Variants in RIMS2 observed in about 807,000 individuals in gnomAD.
The protein encoded by RIMS2 is regulating synaptic membrane exocytosis 2, also known as regulating synaptic membrane exocytosis protein 2.
A neutral mutation model predicts 174.4 loss-of-function variants in RIMS2; 59 were observed. The ratio of observed to expected loss-of-function variants is 0.34; its 90% CI spans 0.27 to 0.42. RIMS2 has a LOEUF of 0.42. Among genes scored for constraint, RIMS2 ranks in the 10% least tolerant of loss-of-function variants. RIMS2 has a pLI of 1.00. For synonymous variants in RIMS2, 606 were observed against 572.5 expected, an observed-to-expected ratio of 1.06 and a Z score of -0.84; for missense variants, 1,620 against 1,666.3, an observed-to-expected ratio of 0.97 and a Z score of 0.48.
chr8:103,837,792 T>C (rs1241589896), intron 3 of RIMS2, among the ~76,000 whole-genome samples: 1 of 152,182 alleles, frequency 6.6e-6, no homozygotes, highest in East Asian at 1.9e-4. Context: ...TCCAAGTCTT[T>C]GCTATTGTGA....
intron 14 of RIMS2, among the ~76,000 whole-genome samples, chr8:103,959,069 A>T (rs1232942105): frequency 2.0e-5 from 3 of 152,204 alleles, no homozygotes; most frequent in Non-Finnish European, 4.4e-5. Context: ...CTACAGAAGC[A>T]ACTGCAACTG....
intron 3 of RIMS2, among the ~76,000 whole-genome samples, chr8:103,812,435 C>A (rs959492360): frequency 6.7e-5 from 10 of 150,142 alleles, no homozygotes; most frequent in African/African-American, 2.4e-4. Context: ...CTGTGCAATC[C>A]CCGCACACTG....
At chr8:103,641,233 T>C (rs566325053) in intron 1 of RIMS2, among the ~76,000 whole-genome samples, 1 of 152,272 alleles carries the variant, frequency 6.6e-6, no homozygotes, top group South Asian at 2.1e-4. Flanking sequence ...GTTATTTATT[T>C]ATTCAATTTC....
chr8:103,544,290 A>G (rs2131350513), intron 1 of RIMS2, among the ~76,000 whole-genome samples: 1 of 152,302 alleles, frequency 6.6e-6, no homozygotes, highest in Admixed American at 6.5e-5. Flanking sequence ...AACGCCTGCT[A>G]CAGCTTCTGG....
intron 19 of RIMS2, among the ~76,000 whole-genome samples, chr8:104,211,835 C>T (rs528391027): frequency 1.3e-5 from 2 of 152,122 alleles, no homozygotes; most frequent in East Asian, 1.9e-4. Flanking sequence ...TAAAGATAGT[C>T]CTAGCTGCTT....
chr8:103,574,936 G>T (rs918908149), intron 1 of RIMS2, among the ~76,000 whole-genome samples: 1 of 152,166 alleles, frequency 6.6e-6, no homozygotes, highest in Non-Finnish European at 1.5e-5. Flanking sequence ...ATGAATGCCT[G>T]TGATAGCAAT....
chr8:104,243,785 C>A (rs2099315695), intron 19 of RIMS2, among the ~76,000 whole-genome samples: 1 of 152,178 alleles, frequency 6.6e-6, no homozygotes, highest in South Asian at 2.1e-4. Flanking sequence ...AATAGTTAAG[C>A]CCGACAAGAA....
intron 16 of RIMS2, among the ~76,000 whole-genome samples, chr8:103,983,763 A>C (rs190378886): frequency 6.6e-6 from 1 of 152,174 alleles, no homozygotes; most frequent in Non-Finnish European, 1.5e-5. Context: ...CGGATTAAAG[A>C]CCTAAATCTA....
At chr8:104,177,575 A>G (rs998594174) in intron 19 of RIMS2, among the ~76,000 whole-genome samples, 1 of 152,190 alleles carries the variant, frequency 6.6e-6, no homozygotes, top group African/African-American at 2.4e-5. Flanking sequence ...CTTAAATGTG[A>G]TCTCTTCAAA....
intron 2 of RIMS2, among the ~76,000 whole-genome samples, chr8:103,726,269 G>A (rs2097526625): frequency 6.6e-6 from 1 of 152,184 alleles, no homozygotes; most frequent in African/African-American, 2.4e-5. Context: ...TTTATAGGAT[G>A]TATCCCCATT....
At chr8:103,513,653 A>T (rs374054425) in intron 1 of RIMS2, among the ~76,000 whole-genome samples, 5 of 152,070 alleles carry the variant, frequency 3.3e-5, no homozygotes, top group African/African-American at 4.8e-5. Flanking sequence ...TGGATTTGGG[A>T]ATTGTGGTTA....
At chr8:103,656,873 T>G (rs983907028) in intron 1 of RIMS2, among the ~76,000 whole-genome samples, 5 of 152,150 alleles carry the variant, frequency 3.3e-5, no homozygotes, top group African/African-American at 1.2e-4. Flanking sequence ...GGTCCTAGCC[T>G]TAGGGAAGCC....
chr8:103,875,999 A>G (rs1220477174), intron 3 of RIMS2, among the ~76,000 whole-genome samples: 2 of 151,912 alleles, frequency 1.3e-5, no homozygotes, highest in African/African-American at 4.8e-5. Flanking sequence ...TGTACAATCT[A>G]GATATTCATC....
intron 15 of RIMS2, among the ~76,000 whole-genome samples, chr8:103,969,094 A>G (rs1376465368): frequency 6.6e-6 from 1 of 151,906 alleles, no homozygotes; most frequent in Admixed American, 6.6e-5. Context: ...TCTTTGTTCT[A>G]TAGAGGAGGA....
At chr8:104,093,281 A>C (rs1363640934) in intron 19 of RIMS2, among the ~76,000 whole-genome samples, 190 bp from the exon 24 acceptor site, 1 of 152,082 alleles carries the variant, frequency 6.6e-6, no homozygotes, top group Non-Finnish European at 1.5e-5. Context: ...CTTTGCTAAA[A>C]ACAAAGGTTT....
chr8:104,039,874 A>C (rs2096580137), intron 19 of RIMS2, among the ~76,000 whole-genome samples: 1 of 151,670 alleles, frequency 6.6e-6, no homozygotes, highest in African/African-American at 2.4e-5. Context: ...CTAGGGGTTA[A>C]TCCTGTTAGC....
At chr8:103,675,466 G>A (rs2096796787) in intron 1 of RIMS2, among the ~76,000 whole-genome samples, 1 of 152,188 alleles carries the variant, frequency 6.6e-6, no homozygotes, top group Non-Finnish European at 1.5e-5. Flanking sequence ...GCAGCTGGTG[G>A]TCTAAGTACT....
chr8:103,701,320 T>C (rs751835403), intron 2 of RIMS2, among the ~76,000 whole-genome samples: 4 of 152,160 alleles, frequency 2.6e-5, no homozygotes, highest in Non-Finnish European at 5.9e-5. Flanking sequence ...GTCGTACATA[T>C]TAATGTGGTA....
At chr8:103,610,295 C>T (rs1264307854) in intron 1 of RIMS2, among the ~76,000 whole-genome samples, 1 of 152,134 alleles carries the variant, frequency 6.6e-6, no homozygotes, top group African/African-American at 2.4e-5. Flanking sequence ...GTTTGACTTT[C>T]TGTCTTCCTA....
Sources: allele counts gnomAD v4.1 joint callset (sites outside exome capture counted in the v4.1 genomes callset), GRCh38; gene constraint gnomAD v4.1.1; transcripts MANE v1.5; gene names NCBI Gene and HGNC (gene_info 2026-07-23, HGNC 2026-07-21).